SHISA9: variants seen among roughly 807,000 people sequenced by gnomAD.
The protein encoded by SHISA9 is shisa family member 9.
Under a neutral mutation model 38.0 loss-of-function variants are expected in SHISA9, and 13 were observed. That is an observed-to-expected ratio of 0.34 (90% CI 0.22 to 0.54). The LOEUF is 0.54. Among genes scored for constraint, SHISA9 ranks in the 20% least tolerant of loss-of-function variants. The pLI, the probability that SHISA9 is intolerant of heterozygous loss-of-function variation, is 0.91. For synonymous variants in SHISA9, 275 were observed against 242.0 expected, an observed-to-expected ratio of 1.14 and a Z score of -1.27; for missense variants, 538 against 575.8, an observed-to-expected ratio of 0.93 and a Z score of 0.67.
Position 13,143,508 on chromosome 16 carries a change from A to G in SHISA9, c.692-59886A>G, listed in dbSNP as rs1024457738. Among the ~76,000 whole-genome samples, 13 of 152,184 alleles carry G rather than the reference A, an allele frequency of 8.5e-5. No homozygotes were observed. In the East Asian group the frequency reaches 1.9e-3, roughly 23 times the overall value. On this transcript the variant is annotated intron_variant, in intron 2 of 4. Coordinates refer to ENST00000558583, the MANE Select transcript of SHISA9 (RefSeq NM_001145204.3). Reference sequence around the variant, plus strand: ...AGTGGGTCAGCTGCATGGGTCCCCTATGGGAAGCTGTACTGTGATCTGGTC... The same window carrying G: ...AGTGGGTCAGCTGCATGGGTCCCCTGTGGGAAGCTGTACTGTGATCTGGTC...
chr16:13,245,933 A>G, the SHISA9 span, among the ~76,000 whole-genome samples: 1 of 152,110 alleles, frequency 6.6e-6, no homozygotes, highest in African/African-American at 2.4e-5. Context: ...GCCCTTTATT[A>G]ATTAACTGGA....
Position 13,167,103 on chromosome 16 carries a change from G to A in SHISA9, c.692-36291G>A, listed in dbSNP as rs192315948. Among the ~76,000 whole-genome samples the A allele has an allele frequency of 3.3e-4, 37 of 110,966 alleles. No homozygotes were observed. In the East Asian group the frequency reaches 7.7e-3, roughly 23 times the overall value. 72.8% of individuals were successfully genotyped at this position (110,966 alleles called of 152,430 possible). A position where few individuals can be genotyped will look rare whatever the true frequency, so the allele number is the denominator to read the frequency against. ...TTTTTTTTTTTTGAGACAGAGTTTC[G>A]CTCTTGTTGCCCAGGCTGGAGTGCA... On this transcript the variant is annotated intron_variant, in intron 2 of 4. Transcript: ENST00000558583.
At chr16:12,982,702 C>A (rs959355733) in intron 2 of SHISA9, among the ~76,000 whole-genome samples, 4 of 152,192 alleles carry the variant, frequency 2.6e-5, no homozygotes, top group Non-Finnish European at 4.4e-5. Flanking sequence ...TGGCAGCACT[C>A]CTTGTTTCTC....
At chr16:13,339,151 A>G in the SHISA9 span, among the ~76,000 whole-genome samples, 1 of 143,892 alleles carries the variant, frequency 6.9e-6, no homozygotes, top group Non-Finnish European at 1.5e-5. Context: ...CCGGAGCTCA[A>G]TCCCTTATTG....
At chr16:13,172,746 T>C (rs1183471271) in intron 2 of SHISA9, among the ~76,000 whole-genome samples, 1 of 151,656 alleles carries the variant, frequency 6.6e-6, no homozygotes, top group Non-Finnish European at 1.5e-5. Context: ...TGATGATTTT[T>C]TTTTTTTTTT....
At chr16:13,194,368 T>C (rs2050916850) in intron 2 of SHISA9, among the ~76,000 whole-genome samples, 4 of 152,176 alleles carry the variant, frequency 2.6e-5, no homozygotes. Context: ...AGTGCCTAAG[T>C]CCACAGATTC....
At chr16:13,350,364 C>G in the SHISA9 span, 1 of 152,446 alleles carries the variant, frequency 6.6e-6, no homozygotes, top group Non-Finnish European at 1.5e-5. Context: ...ATGCTACCAG[C>G]TTCCCTGGGT....
intron 3 of SHISA9, among the ~76,000 whole-genome samples, chr16:13,207,784 T>C (rs779035828): frequency 2.6e-5 from 4 of 152,224 alleles, no homozygotes; most frequent in Non-Finnish European, 5.9e-5. Context: ...CAAGGGTTCT[T>C]TGTTAAAGCA....
intron 2 of SHISA9, among the ~76,000 whole-genome samples, chr16:13,012,322 G>A (rs1278920058): frequency 6.6e-6 from 1 of 152,142 alleles, no homozygotes; most frequent in South Asian, 2.1e-4. Flanking sequence ...CTGCAGAAGT[G>A]ACCTGGGAGA....
chr16:13,012,289 C>A (rs1337846203), intron 2 of SHISA9, among the ~76,000 whole-genome samples: 1 of 152,088 alleles, frequency 6.6e-6, no homozygotes, highest in Non-Finnish European at 1.5e-5. Context: ...ATGGGGCTAC[C>A]TTAGGTGTTC....
the SHISA9 span, among the ~76,000 whole-genome samples, chr16:13,306,280 TTTG>T: frequency 6.6e-6 from 1 of 152,072 alleles, no homozygotes; most frequent in Non-Finnish European, 1.5e-5. Flanking sequence ...ATGACTGGAT[TTTG>T]TTGTTGTTGT....
At chr16:12,980,935 C>T (rs532093941) in intron 2 of SHISA9, among the ~76,000 whole-genome samples, 1 of 151,944 alleles carries the variant, frequency 6.6e-6, no homozygotes, top group Admixed American at 6.6e-5. Flanking sequence ...CTACTTTATG[C>T]TGTTAATATC....
At chr16:13,445,720 A>G in the SHISA9 span, among the ~76,000 whole-genome samples, 1 of 152,216 alleles carries the variant, frequency 6.6e-6, no homozygotes, top group Non-Finnish European at 1.5e-5. Context: ...GGGACAATAT[A>G]CTGAAGCAGT....
At chr16:12,986,572 A>G (rs1293750094) in intron 2 of SHISA9, among the ~76,000 whole-genome samples, 1 of 152,278 alleles carries the variant, frequency 6.6e-6, no homozygotes, top group African/African-American at 2.4e-5. Context: ...GTCTTTTCAG[A>G]CTGGATATTG....
At chr16:13,267,908 C>CTTTTTTT in the SHISA9 span, among the ~76,000 whole-genome samples, 1 of 149,394 alleles carries the variant, frequency 6.7e-6, no homozygotes. Context: ...GCACCTGGCA[C>CTTTTTTT]TATTCTATTG....
chr16:13,455,322 A>G, the SHISA9 span, among the ~76,000 whole-genome samples: 1,614 of 152,256 alleles, frequency 0.011, 25 homozygotes, highest in African/African-American at 0.032. Flanking sequence ...CCCATAGGAT[A>G]TGTCTCTTAT....
At chr16:13,112,892 C>G (rs1047794256) in intron 2 of SHISA9, among the ~76,000 whole-genome samples, 2 of 151,874 alleles carry the variant, frequency 1.3e-5, no homozygotes, top group African/African-American at 2.4e-5. Context: ...ACCCTAATTC[C>G]ATCTCAGCTT....
At chr16:13,409,782 T>G in the SHISA9 span, among the ~76,000 whole-genome samples, 1 of 152,330 alleles carries the variant, frequency 6.6e-6, no homozygotes, top group East Asian at 1.9e-4. Flanking sequence ...TTAGCAGCCA[T>G]ATACCATTGC....
rs527285232 is a variant in SHISA9 at position 13,005,385 on chromosome 16, G to A, written c.691+88570G>A. On this transcript the variant is annotated intron_variant, in intron 2 of 4. Coordinates refer to ENST00000558583, the MANE Select transcript of SHISA9 (RefSeq NM_001145204.3). Reference sequence around the variant, plus strand: ...TGGGTGAAGGGCAACCAACATTTATGAGGCGCCTACTATGTGCCAGGTCAT... The same window carrying A: ...TGGGTGAAGGGCAACCAACATTTATAAGGCGCCTACTATGTGCCAGGTCAT... Among the ~76,000 whole-genome samples, 19 of 152,326 alleles carry A rather than the reference G, an allele frequency of 1.2e-4. No individual in the cohort carries two copies. In the South Asian group the frequency reaches 3.1e-3, roughly 25 times the overall value.
Sources: gnomAD v4.1 joint callset for allele counts (sites outside exome capture counted in the v4.1 genomes callset) on GRCh38, gnomAD v4.1.1 for gene constraint, MANE v1.5 for transcripts, NCBI Gene and HGNC (gene_info 2026-07-23, HGNC 2026-07-21) for gene names.